Variants in PIK3C2A observed in about 807,000 individuals in gnomAD.
PIK3C2A encodes the protein phosphatidylinositol 4-phosphate 3-kinase C2 domain-containing subunit alpha.
A neutral mutation model predicts 204.5 loss-of-function variants in PIK3C2A; 97 were observed. The ratio of observed to expected loss-of-function variants is 0.47; its 90% CI spans 0.40 to 0.56. The LOEUF is 0.56. PIK3C2A is among the 20% of genes least tolerant of loss of function. The probability of loss-of-function intolerance (pLI) is 0.00; values close to 1 mark genes in which losing one functional copy is unlikely to be tolerated. For missense variants in PIK3C2A, 1,735 were observed against 1,969.2 expected (o/e 0.88, Z 2.25); for synonymous variants, 653 against 664.4 (o/e 0.98, Z 0.26).
chr11:17,175,838 G>A (rs984525159), intron 1 of PIK3C2A, among the ~76,000 whole-genome samples: 9 of 152,082 alleles, frequency 5.9e-5, no homozygotes, highest in Admixed American at 2.6e-4. Context: ...ACAGAAAAAA[G>A]CAAGTTGGTG....
chr11:17,100,640 T>C (rs1848598724), intron 25 of PIK3C2A, among the ~76,000 whole-genome samples: 2 of 152,208 alleles, frequency 1.3e-5, no homozygotes, highest in African/African-American at 2.4e-5. Context: ...GTATACATTG[T>C]ACCCACTAAG....
Position 17,181,558 on chromosome 11 carries a change from G to A in PIK3C2A, c.-65-11752C>T, listed in dbSNP as rs538522294. 3.0e-4 allele frequency among the ~76,000 whole-genome samples: 45 copies of A among 148,150 alleles called. No homozygotes were observed. The East Asian group carries it at 7.7e-3, about 25-fold the overall frequency. On this transcript the variant is annotated intron_variant, in intron 1 of 32. Coordinates refer to ENST00000691414, the MANE Select transcript of PIK3C2A (RefSeq NM_002645.4). ...GTGGTAGGAAGATCCCTTGAGCCCA[G>A]GAGTTCAACACCAACCTGGGCAACA...
intron 22 of PIK3C2A, among the ~76,000 whole-genome samples, chr11:17,105,847 G>A (rs11824930): frequency 0.034 from 5,107 of 152,232 alleles, 296 homozygotes; most frequent in African/African-American, 0.12. Flanking sequence ...AGTGACTCAC[G>A]CCTGCAGTCC....
At chr11:17,176,049 G>T (rs1851327876) in intron 1 of PIK3C2A, among the ~76,000 whole-genome samples, 1 of 151,198 alleles carries the variant, frequency 6.6e-6, no homozygotes, top group Admixed American at 6.6e-5. Flanking sequence ...TGTCGCCCAG[G>T]CTAGAGTGCA....
chr11:17,118,897 T>TA (rs1849286231), intron 17 of PIK3C2A, among the ~76,000 whole-genome samples, 158 bp from the exon 18 acceptor site: 2 of 152,196 alleles, frequency 1.3e-5, no homozygotes, highest in Admixed American at 6.5e-5. Context: ...TATGCCAAAC[T>TA]AATTTAAATC....
At chr11:17,102,260 C>A (rs1287022283) in intron 24 of PIK3C2A, among the ~76,000 whole-genome samples, 2 of 151,952 alleles carry the variant, frequency 1.3e-5, no homozygotes, top group Non-Finnish European at 2.9e-5. Flanking sequence ...CACGGTGAAA[C>A]CCCGTCTCTA....
At position 17,187,889 on chromosome 11, in the gene PIK3C2A, C is replaced by T. The variant is rs149278139; in HGVS notation, c.-65-18083G>A. Among the ~76,000 whole-genome samples, 578 of 152,172 alleles carry T rather than the reference C, an allele frequency of 3.8e-3. 2 individuals are homozygous for T. Among genetic ancestry groups the T allele is most frequent in the African/African-American group, 0.013 (529 of 41,516 alleles). ...AGGAAGAGACACCTTAGGGGACTAT[C>T]ATGACAAAAGTAAGAAACTACTAAG... is the stretch of plus-strand genomic sequence containing the variant. On this transcript the variant is annotated intron_variant, in intron 1 of 32. Coordinates refer to ENST00000691414, the MANE Select transcript of PIK3C2A (RefSeq NM_002645.4).
intron 27 of PIK3C2A, 134 bp downstream of exon 27, chr11:17,096,923 T>C: frequency 3.3e-6 from 2 of 611,292 alleles, no homozygotes; most frequent in South Asian, 4.2e-5. Context: ...CATTTACTTA[T>C]TTATGGACCA....
chr11:17,185,266 G>A (rs1215259474), intron 1 of PIK3C2A, among the ~76,000 whole-genome samples: 2 of 152,134 alleles, frequency 1.3e-5, no homozygotes, highest in Non-Finnish European at 2.9e-5. Flanking sequence ...AGTATGTACA[G>A]CATTTAATAT....
At chr11:17,199,630 A>G (rs1190904577) in intron 1 of PIK3C2A, among the ~76,000 whole-genome samples, 1 of 152,250 alleles carries the variant, frequency 6.6e-6, no homozygotes, top group Non-Finnish European at 1.5e-5. Context: ...AAAGATCTAG[A>G]ATAGGTAAAT....
chr11:17,088,721 T>C lies in PIK3C2A; in HGVS notation c.*1017A>G, dbSNP rs887533921. On this transcript the variant is annotated 3_prime_UTR_variant, in exon 33 of 33. Transcript: ENST00000691414. ...CAAAGGTCTATATTAAAGTTCAATC[T>C]GGACCCTAGAATTCTTGTCATGGGC... 5.3e-5 allele frequency: 8 copies of C among 152,258 alleles called. No homozygotes were observed. The highest frequency in any genetic ancestry group is 1.9e-4 in the African/African-American group (8 of 41,474). 9.4% of individuals were successfully genotyped at this position (152,258 alleles called of 1,614,324 possible).
chr11:17,196,568 T>TATC (rs1374371077), intron 1 of PIK3C2A, among the ~76,000 whole-genome samples: 2 of 151,924 alleles, frequency 1.3e-5, no homozygotes, highest in Non-Finnish European at 2.9e-5. Context: ...GGGAGGATAC[T>TATC]ATTATTATTA....
Position 17,099,921 on chromosome 11 carries a change from A to T in PIK3C2A, c.4057T>A (p.Tyr1353Asn). The change falls in exon 26 of 33, where the codon TAC (tyrosine) becomes AAC (asparagine). Residue 1353 changes from tyrosine to asparagine, a missense_variant. Physicochemically the swap from Tyr to Asn is moderately radical, Grantham distance 143. Around this residue, in one of 6 missense-constraint regions of PIK3C2A, gnomAD observed 503 missense variants for 669.0 expected, o/e 0.75. Coordinates refer to ENST00000691414, the MANE Select transcript of PIK3C2A (RefSeq NM_002645.4). ...TGGGGTTGAAGTGCATCTCTAACGT[A>T]TTTCAAATCTTGAATACTTGTAAGT... Reference protein sequence around the residue: ...PELTSIQDLKYVRDALQPQTT... With the variant: ...PELTSIQDLKNVRDALQPQTT... 6.3e-7 allele frequency: 1 copy of T among 1,599,812 alleles called. No individual in the cohort carries two copies. The highest frequency in any genetic ancestry group is 1.1e-5 in the South Asian group (1 of 90,616).
intron 15 of PIK3C2A, among the ~76,000 whole-genome samples, chr11:17,121,150 C>G (rs1849355148): frequency 6.6e-6 from 1 of 151,902 alleles, no homozygotes; most frequent in Non-Finnish European, 1.5e-5. Flanking sequence ...CAGGGTATTG[C>G]TCTGTTGCCC....
intron 2 of PIK3C2A, among the ~76,000 whole-genome samples, chr11:17,167,526 C>G (rs1405593325): frequency 2.6e-5 from 4 of 152,166 alleles, no homozygotes; most frequent in Non-Finnish European, 4.4e-5. Flanking sequence ...GAAGCTGAGG[C>G]AGGAGAATCG....
chr11:17,119,098 C>T, intron 17 of PIK3C2A, 122 bp downstream of exon 17: 2 of 636,276 alleles, frequency 3.1e-6, no homozygotes, highest in Non-Finnish European at 5.6e-6. Flanking sequence ...AAATGCAATG[C>T]CCCTCAATGT....
At chr11:17,098,824 G>A (rs180901272) in intron 26 of PIK3C2A, among the ~76,000 whole-genome samples, 22 of 152,272 alleles carry the variant, frequency 1.4e-4, no homozygotes, top group African/African-American at 5.1e-4. Context: ...TCCCTGCTGT[G>A]GTATTGTGAT....
chr11:17,147,190 C>T (rs1336823999), intron 6 of PIK3C2A, among the ~76,000 whole-genome samples: 2 of 152,066 alleles, frequency 1.3e-5, no homozygotes, highest in South Asian at 2.1e-4. Context: ...CATCCCCAAC[C>T]CATATTTAGT....
At position 17,122,292 on chromosome 11, in the gene PIK3C2A, A is replaced by T; in HGVS notation, c.2553T>A (p.Thr851=). 6.5e-7 allele frequency: 1 copy of T among 1,537,140 alleles called. No homozygotes were observed. The highest frequency in any genetic ancestry group is 2.3e-5 in the East Asian group (1 of 44,308). Residue 851 remains threonine, a synonymous_variant, in exon 15 of 33, where the codon ACT becomes ACA. Transcript: ENST00000691414. ...PSPAFDIIYT[T]PQVDRSIIQQ... is the part of the protein sequence containing the mutation. ...GTATAATGCTTCTGTCAACTTGAGG[A>T]GTTGTATAAATAATATCAAATGCAG...
Sources: gnomAD v4.1 joint callset for allele counts (sites outside exome capture counted in the v4.1 genomes callset) on GRCh38, gnomAD v4.1.1 for gene constraint, gnomAD v4.1.1 regional missense constraint, MANE v1.5 for transcripts, NCBI Gene and HGNC (gene_info 2026-07-23, HGNC 2026-07-21) for gene names.